PPP1R1C: variants seen among roughly 807,000 people sequenced by gnomAD.
PPP1R1C encodes protein phosphatase 1 regulatory inhibitor subunit 1C.
A neutral mutation model predicts 17.4 loss-of-function variants in PPP1R1C; 15 were observed. The observed-to-expected ratio is 0.86, with a 90% CI of 0.58 to 1.33. The LOEUF is 1.33. Ranked by LOEUF, PPP1R1C falls within the 40% of genes most tolerant of loss-of-function variation. The probability of loss-of-function intolerance (pLI) is 0.00; values close to 1 mark genes in which losing one functional copy is unlikely to be tolerated. For missense variants in PPP1R1C, 143 were observed against 130.0 expected, an observed-to-expected ratio of 1.10 and a Z score of -0.48; for synonymous variants, 35 against 43.1, an observed-to-expected ratio of 0.81 and a Z score of 0.73.
intron 2 of PPP1R1C, among the ~76,000 whole-genome samples, chr2:181,998,660 T>C (rs968123432): frequency 1.3e-5 from 2 of 152,204 alleles, no homozygotes; most frequent in African/African-American, 4.8e-5. Flanking sequence ...TTTATTTTTG[T>C]GGAGGGCTCA....
At chr2:182,084,026 C>T (rs940010344) in intron 4 of PPP1R1C, among the ~76,000 whole-genome samples, 2 of 152,114 alleles carry the variant, frequency 1.3e-5, no homozygotes, top group Admixed American at 6.5e-5. Context: ...TGATGTTGAA[C>T]ATTTTAAAAT....
intron 4 of PPP1R1C, among the ~76,000 whole-genome samples, chr2:182,095,995 TAA>T (rs35074121): frequency 1.5e-5 from 2 of 131,522 alleles, no homozygotes; most frequent in Admixed American, 1.5e-4. Context: ...AAAAAAACTC[TAA>T]AAAAAAAAAA....
intron 1 of PPP1R1C, among the ~76,000 whole-genome samples, chr2:181,966,660 T>C (rs1359296470): frequency 1.3e-5 from 2 of 152,186 alleles, no homozygotes; most frequent in African/African-American, 4.8e-5. Flanking sequence ...GAAAAATCTC[T>C]GTTGTTCACG....
At chr2:182,115,284 A>T (rs1689550601) in intron 4 of PPP1R1C, among the ~76,000 whole-genome samples, 1 of 152,216 alleles carries the variant, frequency 6.6e-6, no homozygotes, top group Non-Finnish European at 1.5e-5. Flanking sequence ...AGTTTGGGTC[A>T]GCAGCCAAAA....
intron 3 of PPP1R1C, among the ~76,000 whole-genome samples, chr2:182,061,745 A>C (rs1398991910): frequency 2.6e-5 from 4 of 152,102 alleles, no homozygotes; most frequent in African/African-American, 9.7e-5. Context: ...GACAACTTCA[A>C]TTTATTGAGT....
At chr2:181,970,507 A>G (rs1284869182) in intron 1 of PPP1R1C, among the ~76,000 whole-genome samples, 1 of 152,124 alleles carries the variant, frequency 6.6e-6, no homozygotes, top group African/African-American at 2.4e-5. Context: ...TTTTTCTCTC[A>G]GTGCCGAGCT....
At chr2:182,069,828 A>T (rs539949188) in intron 4 of PPP1R1C, among the ~76,000 whole-genome samples, 1 of 152,354 alleles carries the variant, frequency 6.6e-6, no homozygotes, top group South Asian at 2.1e-4. Context: ...AAACTTTTGC[A>T]TTGGGTTTGA....
intron 4 of PPP1R1C, among the ~76,000 whole-genome samples, chr2:182,065,753 A>G (rs1242633163): frequency 1.3e-5 from 2 of 152,136 alleles, no homozygotes; most frequent in East Asian, 3.9e-4. Flanking sequence ...CTAAAAAGAA[A>G]AAAAGAATTT....
intron 4 of PPP1R1C, among the ~76,000 whole-genome samples, chr2:182,109,864 CGTT>C (rs1367789826): frequency 2.0e-5 from 3 of 152,136 alleles, no homozygotes; most frequent in African/African-American, 7.2e-5. Context: ...CAAATTATCT[CGTT>C]GATGATGACT....
chr2:182,009,228 C>G (rs966824439), intron 2 of PPP1R1C, among the ~76,000 whole-genome samples: 90 of 152,184 alleles, frequency 5.9e-4, no homozygotes, highest in African/African-American at 2.0e-3. Flanking sequence ...AGTAGCTGTA[C>G]AAATTTACAT....
intron 1 of PPP1R1C, among the ~76,000 whole-genome samples, chr2:181,971,934 G>A (rs1685015280): frequency 6.6e-6 from 1 of 152,176 alleles, no homozygotes; most frequent in Non-Finnish European, 1.5e-5. Flanking sequence ...CATGGCCACT[G>A]CTGGGGGATG....
intron 4 of PPP1R1C, among the ~76,000 whole-genome samples, chr2:182,105,035 G>C (rs1689203237): frequency 6.6e-6 from 1 of 151,996 alleles, no homozygotes; most frequent in African/African-American, 2.4e-5. Flanking sequence ...TTTTAGGAGT[G>C]TTCTTTGAAA....
rs77756081 is a variant in PPP1R1C, at chr2:182,061,339, G to T, written c.143-103G>T. On this transcript the variant is annotated intron_variant, in intron 2 of 4. Coordinates refer to ENST00000682840, the MANE Select transcript of PPP1R1C (RefSeq NM_001080545.3). The stretch of plus-strand genomic sequence containing the variant: ...CTGTAAGTTGTAGTTTTTGTATAAG[G>T]CAATTATTAAATCATTTTTATCCGT... 7.3e-3 allele frequency: 5,990 copies of T among 822,868 alleles called. 29 individuals carry two copies. Among genetic ancestry groups the T allele is most frequent in the Non-Finnish European group, 9.6e-3 (5,272 of 546,830 alleles). 51.0% of individuals were successfully genotyped at this position (822,868 alleles called of 1,614,324 possible).
rs1684804265 is a variant in PPP1R1C at position 181,961,879 on chromosome 2, G to C, written n.111+7245G>C. ...CTCCTCCTTGAGAGCCTCCATCTCT[G>C]TCTCCAGTGGCAGCCAAGTGACATT... On this transcript the variant is annotated intron_variant and non_coding_transcript_variant, in intron 1 of 5. Coordinates refer to the PPP1R1C transcript ENST00000464264. The surrounding 1 kb of genome is among the most constrained non-coding windows in gnomAD (Gnocchi z 5.8). 29 of 805,532 alleles carry C rather than the reference G, an allele frequency of 3.6e-5. No individual in the cohort carries two copies. In the East Asian group the frequency reaches 7.3e-4, roughly 20 times the overall value. 49.9% of individuals were successfully genotyped at this position (805,532 alleles called of 1,614,324 possible).
intron 1 of PPP1R1C, among the ~76,000 whole-genome samples, chr2:181,971,391 A>G (rs1188635713): frequency 6.6e-6 from 1 of 152,184 alleles, no homozygotes; most frequent in Non-Finnish European, 1.5e-5. Context: ...TGGGGGACTC[A>G]GGACTCTGCC....
chr2:182,033,743 C>T (rs1354631619), intron 2 of PPP1R1C, among the ~76,000 whole-genome samples: 3 of 152,238 alleles, frequency 2.0e-5, no homozygotes, highest in Admixed American at 6.5e-5. Context: ...ATTTATGAAG[C>T]CCTTCAAAAA....
upstream of PPP1R1C, among the ~76,000 whole-genome samples, chr2:181,983,611 A>C (rs113461998): frequency 2.5e-4 from 38 of 152,340 alleles, no homozygotes; most frequent in Middle Eastern, 3.4e-3. Context: ...AAGGACTTCA[A>C]ATACCTTTTA....
At chr2:182,046,060 A>T (rs1687333711) in intron 2 of PPP1R1C, among the ~76,000 whole-genome samples, 1 of 151,894 alleles carries the variant, frequency 6.6e-6, no homozygotes. Flanking sequence ...AGTATCTCAT[A>T]TAGTTACTTT....
intron 2 of PPP1R1C, among the ~76,000 whole-genome samples, chr2:182,015,025 T>C (rs748309655): frequency 5.3e-5 from 8 of 152,066 alleles, no homozygotes; most frequent in Non-Finnish European, 1.0e-4. Flanking sequence ...CTAGAAGTCC[T>C]CTTGGTGCTC....
Sources: allele counts gnomAD v4.1 joint callset (sites outside exome capture counted in the v4.1 genomes callset), GRCh38; gene constraint gnomAD v4.1.1; non-coding constraint Gnocchi (gnomAD v3.1); transcripts MANE v1.5; gene names NCBI Gene and HGNC (gene_info 2026-07-23, HGNC 2026-07-21).